TMEM150C: variants seen among roughly 807,000 people sequenced by gnomAD.
TMEM150C encodes tentonin 3.
In TMEM150C, 10 loss-of-function variants were observed where a neutral mutation model predicts 29.9. The observed-to-expected ratio is 0.33, with a 90% CI of 0.21 to 0.57. TMEM150C has a LOEUF of 0.57. Ranked by LOEUF, TMEM150C falls within the 20% of genes least tolerant of loss-of-function variation. The pLI is 0.88. For missense variants in TMEM150C, 251 were observed against 303.6 expected (o/e 0.83, Z 1.29); for synonymous variants, 101 against 112.5 (o/e 0.90, Z 0.64).
chr4:82,486,612 G>GGGT (rs1723170154), intron 7 of TMEM150C, among the ~76,000 whole-genome samples: 2 of 151,962 alleles, frequency 1.3e-5, no homozygotes, highest in Admixed American at 6.6e-5. Context: ...AGGCCAGGTG[G>GGGT]GGTAGCTCAT....
chr4:82,547,838 A>C (rs570235523), intron 1 of TMEM150C, among the ~76,000 whole-genome samples: 3 of 152,340 alleles, frequency 2.0e-5, no homozygotes, highest in African/African-American at 7.2e-5. Flanking sequence ...TCAACCCAGC[A>C]GTCCTCTTAC....
chr4:82,545,133 C>A (rs1725330149), intron 1 of TMEM150C, among the ~76,000 whole-genome samples: 1 of 152,124 alleles, frequency 6.6e-6, no homozygotes. Context: ...TGAACATAGA[C>A]ACAAAAGTCC....
chr4:82,501,394 A>G (rs1384377371), intron 5 of TMEM150C, among the ~76,000 whole-genome samples: 1 of 152,088 alleles, frequency 6.6e-6, no homozygotes, highest in Non-Finnish European at 1.5e-5. Context: ...GCTTTTTTAA[A>G]GACTCGGCAA....
chr4:82,542,938 T>C (rs558482527), intron 1 of TMEM150C, among the ~76,000 whole-genome samples: 10 of 152,302 alleles, frequency 6.6e-5, no homozygotes, highest in Admixed American at 3.3e-4. Context: ...GGAATACATA[T>C]TACCTTTATG....
intron 6 of TMEM150C, chr4:82,495,001 T>G (rs1723494509): frequency 1.2e-6 from 1 of 827,228 alleles, no homozygotes; most frequent in Non-Finnish European, 1.9e-6. Context: ...GTACACTGCT[T>G]CTTCAGAGCA....
intron 1 of TMEM150C, among the ~76,000 whole-genome samples, chr4:82,556,552 G>A (rs755134417): frequency 5.3e-5 from 8 of 152,278 alleles, no homozygotes; most frequent in Non-Finnish European, 8.8e-5. Flanking sequence ...GGTGGCACAC[G>A]CCTGTAGTTC....
At chr4:82,495,935 T>A in intron 6 of TMEM150C, 133 bp downstream of exon 6, 1 of 1,150,262 alleles carries the variant, frequency 8.7e-7, no homozygotes, top group Non-Finnish European at 1.2e-6. Flanking sequence ...TGGAAAAGAG[T>A]CCTAGTTTTT....
In TMEM150C at chr4:82,503,025, G is replaced by T. The variant is rs746861632; in HGVS notation, c.134+34C>A. ...TGGGAAAGTTTTTGCTAAATCTCTTGATGAACAACGAATTACCCACAGATA... is the reference window on the plus strand; with the variant it reads ...TGGGAAAGTTTTTGCTAAATCTCTTTATGAACAACGAATTACCCACAGATA... On this transcript the variant is annotated intron_variant, in intron 3 of 7. Transcript: ENST00000449862. 2.2e-5 allele frequency: 35 copies of T among 1,608,828 alleles called. No individual in the cohort carries two copies. The South Asian group carries it at 3.7e-4, about 17-fold the overall frequency.
chr4:82,495,510 C>A, intron 6 of TMEM150C: 2 of 377,384 alleles, frequency 5.3e-6, no homozygotes, highest in South Asian at 4.7e-5. Context: ...TAGTATCAGT[C>A]AGTCCAGGTA....
chr4:82,511,272 T>A (rs1464045128), intron 1 of TMEM150C, among the ~76,000 whole-genome samples: 1 of 152,162 alleles, frequency 6.6e-6, no homozygotes, highest in Non-Finnish European at 1.5e-5. Context: ...AGATTTCTAT[T>A]AAACATTACC....
In TMEM150C at chr4:82,558,463, A is replaced by G. The variant is rs185415644; in HGVS notation, c.-11+3443T>C. ...AAAGAGCTTCAAGCCCTACCTACCA[A>G]AGCTGGTTTGACTCAGAATAGTTTG... On this transcript the variant is annotated intron_variant, in intron 1 of 7. Coordinates refer to ENST00000449862, the MANE Select transcript of TMEM150C (RefSeq NM_001080506.3). 5.9e-5 allele frequency among the ~76,000 whole-genome samples: 9 copies of G among 152,258 alleles called. No homozygotes were observed. In the East Asian group the frequency reaches 1.7e-3, roughly 29 times the overall value.
At chr4:82,522,675 C>T (rs1023156546) in intron 1 of TMEM150C, among the ~76,000 whole-genome samples, 6 of 152,078 alleles carry the variant, frequency 3.9e-5, no homozygotes, top group African/African-American at 1.2e-4. Context: ...GAGACAGGTA[C>T]GGGGACATCT....
intron 6 of TMEM150C, among the ~76,000 whole-genome samples, chr4:82,492,166 TCACC>T (rs1475159868): frequency 2.0e-5 from 3 of 151,760 alleles, no homozygotes; most frequent in African/African-American, 7.3e-5. Flanking sequence ...TCTCACTCTG[TCACC>T]CAGGCTGGAG....
At position 82,500,989 on chromosome 4, in the gene TMEM150C, T is replaced by C. The variant is rs958923782; in HGVS notation, c.235+1738A>G. 3.9e-5 allele frequency among the ~76,000 whole-genome samples: 6 copies of C among 152,178 alleles called. No individual in the cohort carries two copies. In the East Asian group the frequency reaches 1.2e-3, roughly 29 times the overall value. On this transcript the variant is annotated intron_variant, in intron 5 of 7. Transcript: ENST00000449862. ...GTTGTTGCCCCCTGTGGGAAGAGCATACGAATAGATGGCAGCCTGCAGGCC... is the reference window on the plus strand; with the variant it reads ...GTTGTTGCCCCCTGTGGGAAGAGCACACGAATAGATGGCAGCCTGCAGGCC...
intron 1 of TMEM150C, among the ~76,000 whole-genome samples, chr4:82,507,900 C>T (rs1723991640): frequency 6.6e-6 from 1 of 151,736 alleles, no homozygotes; most frequent in Non-Finnish European, 1.5e-5. Context: ...CTGCACACCA[C>T]CACACCTGGC....
rs1723129202 is a variant in TMEM150C, at chr4:82,485,482, C to T, written c.*29G>A. 1.3e-6 allele frequency: 2 copies of T among 1,558,380 alleles called. No individual in the cohort carries two copies. Among genetic ancestry groups the T allele is most frequent in the East Asian group, 4.7e-5 (2 of 42,542 alleles). Reference sequence around the variant, plus strand: ...CTGGCCCCTCCCCCACTGTCACACCCACCTCACCAGCAAGGAAAAACTGAT... The same window carrying T: ...CTGGCCCCTCCCCCACTGTCACACCTACCTCACCAGCAAGGAAAAACTGAT... On this transcript the variant is annotated 3_prime_UTR_variant, in exon 8 of 8. Coordinates refer to ENST00000449862, the MANE Select transcript of TMEM150C (RefSeq NM_001080506.3).
At chr4:82,538,239 G>A (rs1188233549) in intron 1 of TMEM150C, among the ~76,000 whole-genome samples, 1 of 152,044 alleles carries the variant, frequency 6.6e-6, no homozygotes, top group East Asian at 1.9e-4. Context: ...TGTGTTTTTA[G>A]TAGAGGCAGG....
chr4:82,520,441 C>T (rs1219907445), intron 1 of TMEM150C, among the ~76,000 whole-genome samples: 2 of 152,182 alleles, frequency 1.3e-5, no homozygotes, highest in African/African-American at 4.8e-5. Flanking sequence ...GGCCGAAAGC[C>T]TTGAGATCGT....
intron 1 of TMEM150C, among the ~76,000 whole-genome samples, chr4:82,537,669 G>A (rs533758086): frequency 4.9e-4 from 74 of 152,306 alleles, no homozygotes; most frequent in Non-Finnish European, 8.5e-4. Flanking sequence ...CTTGAGAAGT[G>A]ATCTTCCTGG....
Sources: allele counts gnomAD v4.1 joint callset (sites outside exome capture counted in the v4.1 genomes callset), GRCh38; gene constraint gnomAD v4.1.1; transcripts MANE v1.5; gene names NCBI Gene and HGNC (gene_info 2026-07-23, HGNC 2026-07-21).